Variants in BEGAIN observed in about 807,000 individuals in gnomAD.
BEGAIN encodes brain-enriched guanylate kinase-associated protein.
A neutral mutation model predicts 35.8 loss-of-function variants in BEGAIN; 19 were observed. The ratio of observed to expected loss-of-function variants is 0.53; its 90% CI spans 0.37 to 0.78. The LOEUF is 0.78. Among genes scored for constraint, BEGAIN ranks in the 30% least tolerant of loss-of-function variants. BEGAIN has a pLI of 0.00. For synonymous variants in BEGAIN, 462 were observed against 388.6 expected, an observed-to-expected ratio of 1.19 and a Z score of -2.22; for missense variants, 795 against 853.6, an observed-to-expected ratio of 0.93 and a Z score of 0.85.
intron 1 of BEGAIN, among the ~76,000 whole-genome samples, chr14:100,585,508 G>A (rs1344975243): frequency 6.7e-6 from 1 of 149,748 alleles, no homozygotes; most frequent in Non-Finnish European, 1.5e-5. Context: ...CAGGAGTAGG[G>A]AAGCTCCTTC....
At chr14:100,587,092 A>G (rs2035460940) in intron 1 of BEGAIN, among the ~76,000 whole-genome samples, 157 bp downstream of exon 1, 2 of 149,608 alleles carry the variant, frequency 1.3e-5, no homozygotes, top group African/African-American at 4.9e-5. Context: ...CTCCCGGGCC[A>G]GTGAAGCCTC....
At chr14:100,583,903 T>G (rs2035379409) in intron 1 of BEGAIN, among the ~76,000 whole-genome samples, 1 of 152,134 alleles carries the variant, frequency 6.6e-6, no homozygotes, top group Admixed American at 6.5e-5. Flanking sequence ...TTCACCATAT[T>G]GGTCAGGCTG....
intron 3 of BEGAIN, 133 bp downstream of exon 3, chr14:100,546,368 G>GCCCCGCCCCGGCCCTCGCCCCGCCCCGGC (rs2032402833): frequency 1.6e-5 from 1 of 61,344 alleles, no homozygotes; most frequent in Non-Finnish European, 3.6e-5. Flanking sequence ...CCCGGCCCTC[G>GCCCCGCCCCGGCCCTCGCCCCGCCCCGGC]CCCCGCCCCG....
intron 2 of BEGAIN, among the ~76,000 whole-genome samples, chr14:100,552,525 G>A (rs1281071764): frequency 6.6e-6 from 1 of 152,204 alleles, no homozygotes; most frequent in African/African-American, 2.4e-5. Flanking sequence ...CGGGGCTGCC[G>A]CCCTCCCCTT....
chr14:100,550,087 C>T (rs573515880), intron 2 of BEGAIN, among the ~76,000 whole-genome samples: 8 of 152,290 alleles, frequency 5.3e-5, no homozygotes, highest in Non-Finnish European at 8.8e-5. Context: ...TGCGTGCGCA[C>T]GTGATTCTTG....
In BEGAIN at chr14:100,586,359, C is replaced by T. The variant is rs1256741268; in HGVS notation, c.42+890G>A. Reference sequence around the variant, plus strand: ...CCCCCAGTCTGCACTGGCGGCCGACCTTGGCCATGCGGACTTTGCACGTGC... The same window carrying T: ...CCCCCAGTCTGCACTGGCGGCCGACTTTGGCCATGCGGACTTTGCACGTGC... On this transcript the variant is annotated intron_variant, in intron 1 of 6. Transcript: ENST00000554140. The surrounding 1 kb of genome is among the most constrained non-coding windows in gnomAD (Gnocchi z 4.9). Among the ~76,000 whole-genome samples, 2 of 152,300 alleles carry T rather than the reference C, an allele frequency of 1.3e-5. No homozygotes were observed. The highest frequency in any genetic ancestry group is 3.9e-4 in the East Asian group (2 of 5,162).
At chr14:100,571,629 G>A (rs944233092) in intron 1 of BEGAIN, among the ~76,000 whole-genome samples, 2 of 152,196 alleles carry the variant, frequency 1.3e-5, no homozygotes, top group Non-Finnish European at 2.9e-5. Flanking sequence ...CTGGCACACA[G>A]TAGGGCCTCC....
At chr14:100,577,397 C>T (rs1404814562) in intron 1 of BEGAIN, 4 of 399,206 alleles carry the variant, frequency 1.0e-5, no homozygotes, top group Non-Finnish European at 1.8e-5. Context: ...ACGGCCTGGC[C>T]TGGCCCCACT....
chr14:100,552,688 C>T (rs562361256), intron 2 of BEGAIN, among the ~76,000 whole-genome samples: 1 of 152,334 alleles, frequency 6.6e-6, no homozygotes, highest in Non-Finnish European at 1.5e-5. Flanking sequence ...AGCCACCTCC[C>T]ACTGGTTTCC....
Position 100,558,731 on chromosome 14 carries a change from G to A in BEGAIN, c.71+9180C>T, listed in dbSNP as rs1471389733. 6.6e-6 allele frequency among the ~76,000 whole-genome samples: 1 copy of A among 152,112 alleles called. No homozygotes were observed. The highest frequency in any genetic ancestry group is 1.5e-5 in the Non-Finnish European group (1 of 68,020). On this transcript the variant is annotated intron_variant, in intron 2 of 6. Transcript: ENST00000554140. The surrounding 1 kb of genome is among the most constrained non-coding windows in gnomAD (Gnocchi z 4.6). ...CTCTTTCTCTCCCCATCCTTCCCAG[G>A]GTATACCAGGAGCCTCACCTTCTAG...
intron 1 of BEGAIN, among the ~76,000 whole-genome samples, chr14:100,572,002 GT>G: frequency 6.6e-6 from 1 of 152,268 alleles, no homozygotes; most frequent in African/African-American, 2.4e-5. Flanking sequence ...CGGTGAGCAG[GT>G]GGTGTTGGCC....
At chr14:100,566,976 C>G (rs1355957793) in intron 2 of BEGAIN, among the ~76,000 whole-genome samples, 1 of 152,152 alleles carries the variant, frequency 6.6e-6, no homozygotes, top group Non-Finnish European at 1.5e-5. Context: ...TGCCCTAGAC[C>G]TGGGCCCAGG....
At position 100,587,411 on chromosome 14, in the gene BEGAIN, A is replaced by G. The variant is rs1284555230; in HGVS notation, c.-121T>C. 2 of 141,848 alleles carry G rather than the reference A, an allele frequency of 1.4e-5. No homozygotes were observed. Among genetic ancestry groups the G allele is most frequent in the Non-Finnish European group, 3.1e-5 (2 of 64,116 alleles). 8.8% of individuals were successfully genotyped at this position (141,848 alleles called of 1,614,324 possible). The stretch of plus-strand genomic sequence containing the variant: ...TCCCCCACCCCGCCCGGCTTCCCGC[A>G]GGGAGCGCCCGCCCCCCGCCCCCAG... On this transcript the variant is annotated 5_prime_UTR_variant, in exon 1 of 7. Transcript: ENST00000554140.
chr14:100,570,238 C>T (rs1165058474), intron 1 of BEGAIN, among the ~76,000 whole-genome samples: 1 of 152,224 alleles, frequency 6.6e-6, no homozygotes, highest in Non-Finnish European at 1.5e-5. Flanking sequence ...TTCAGCCCTT[C>T]TAAAAGGCCT....
chr14:100,570,053 G>C (rs988960830), intron 1 of BEGAIN, among the ~76,000 whole-genome samples: 3 of 152,110 alleles, frequency 2.0e-5, no homozygotes, highest in African/African-American at 7.2e-5. Flanking sequence ...AGCTGAAGGG[G>C]CCCAGCTGCG....
intron 1 of BEGAIN, among the ~76,000 whole-genome samples, chr14:100,585,401 ATCCC>A (rs1273344941): frequency 1.2e-4 from 5 of 41,850 alleles, no homozygotes; most frequent in Non-Finnish European, 2.2e-4. Context: ...CCTCCCATCC[ATCCC>A]TCCCTCCCTC....
intron 1 of BEGAIN, among the ~76,000 whole-genome samples, chr14:100,578,357 G>A (rs1012506751): frequency 6.6e-6 from 1 of 152,220 alleles, no homozygotes; most frequent in Non-Finnish European, 1.5e-5. Flanking sequence ...GTGGACAGAT[G>A]GCCACGGTGG....
intron 5 of BEGAIN, 65 bp from the exon 6 acceptor site, chr14:100,540,644 C>T (rs1308505500): frequency 1.7e-5 from 22 of 1,284,478 alleles, no homozygotes; most frequent in South Asian, 7.7e-5. Context: ...CCCTGACCAG[C>T]GCCAAGTGGC....
rs2032570333 is a variant in BEGAIN, at chr14:100,546,800, ACACACACACACACT to A, written c.72-152_72-139del. The A allele has an allele frequency of 9.5e-6, 6 of 632,742 alleles. No homozygotes were observed. The African/African-American group carries it at 1.0e-4, about 11-fold the overall frequency. 39.2% of individuals were successfully genotyped at this position (632,742 alleles called of 1,614,324 possible). On this transcript the variant is annotated intron_variant, in intron 2 of 6. Coordinates refer to ENST00000554140, the MANE Select transcript of BEGAIN (RefSeq NM_001385089.1). ...CGCGCGCACACACACACACACACAC[ACACACACACACACT>A]CACACACACCCAGCCTCCCGGGCGT...
Sources: gnomAD v4.1 joint callset for allele counts (sites outside exome capture counted in the v4.1 genomes callset) on GRCh38, gnomAD v4.1.1 for gene constraint, Gnocchi (gnomAD v3.1) non-coding constraint, MANE v1.5 for transcripts, NCBI Gene and HGNC (gene_info 2026-07-23, HGNC 2026-07-21) for gene names.